The following VPS8 variants were observed in gnomAD, a reference collection of about 807,000 sequenced individuals.
VPS8 encodes the protein VPS8 subunit of CORVET complex, also known as vacuolar protein sorting-associated protein 8 homolog.
Under a neutral mutation model 216.4 loss-of-function variants are expected in VPS8, and 129 were observed. The observed-to-expected ratio is 0.60, with a 90% CI of 0.52 to 0.69. The LOEUF (loss-of-function observed/expected upper bound fraction) is 0.69, where lower values mean the gene tolerates loss of function less well. Among genes scored for constraint, VPS8 ranks in the 30% least tolerant of loss-of-function variants. The pLI, the probability that VPS8 is intolerant of heterozygous loss-of-function variation, is 0.00. For missense variants in VPS8, 1,531 were observed against 1,683.5 expected (o/e 0.91, Z 1.59); for synonymous variants, 571 against 565.4 (o/e 1.01, Z -0.14).
intron 46 of VPS8, among the ~76,000 whole-genome samples, chr3:185,031,376 T>C (rs538551597): frequency 6.6e-6 from 1 of 152,332 alleles, no homozygotes; most frequent in East Asian, 1.9e-4. Flanking sequence ...ATATAGATGC[T>C]TCTTTCTCTA....
chr3:185,029,172 CA>C (rs1757772251), intron 46 of VPS8, among the ~76,000 whole-genome samples: 1 of 152,154 alleles, frequency 6.6e-6, no homozygotes, highest in Non-Finnish European at 1.5e-5. Context: ...TGCTCATGTA[CA>C]TCTATGTATA....
intron 8 of VPS8, among the ~76,000 whole-genome samples, chr3:184,848,134 A>T (rs1299305492): frequency 6.6e-6 from 1 of 151,944 alleles, no homozygotes; most frequent in Non-Finnish European, 1.5e-5. Context: ...CTGGTCTCGA[A>T]CTCCTAACCT....
chr3:184,880,877 C>T (rs1730148734), intron 21 of VPS8, among the ~76,000 whole-genome samples: 1 of 152,132 alleles, frequency 6.6e-6, no homozygotes, highest in Non-Finnish European at 1.5e-5. Context: ...AATGGTATCT[C>T]ATTGTGGCTT....
At chr3:184,912,052 C>T (rs1036125600) in intron 25 of VPS8, among the ~76,000 whole-genome samples, 1 of 152,108 alleles carries the variant, frequency 6.6e-6, no homozygotes, top group Non-Finnish European at 1.5e-5. Context: ...TGTAACCATT[C>T]GTCCTTTTAA....
intron 35 of VPS8, among the ~76,000 whole-genome samples, 158 bp from the exon 36 acceptor site, chr3:184,940,039 G>T (rs562339581): frequency 6.6e-6 from 1 of 152,280 alleles, no homozygotes; most frequent in East Asian, 1.9e-4. Context: ...ATAACCTCCA[G>T]ATGATTCTTT....
At chr3:185,031,949 A>G (rs1758233543) in intron 46 of VPS8, among the ~76,000 whole-genome samples, 1 of 152,186 alleles carries the variant, frequency 6.6e-6, no homozygotes, top group African/African-American at 2.4e-5. Flanking sequence ...AGATCACTTG[A>G]GGTCAGGAGT....
At chr3:185,028,917 G>C (rs1247924323) in intron 46 of VPS8, among the ~76,000 whole-genome samples, 1 of 152,216 alleles carries the variant, frequency 6.6e-6, no homozygotes, top group African/African-American at 2.4e-5. Context: ...ATGCACGAAA[G>C]AGATTTCACA....
At chr3:184,886,671 C>T (rs1213635151) in intron 22 of VPS8, among the ~76,000 whole-genome samples, 1 of 151,976 alleles carries the variant, frequency 6.6e-6, no homozygotes, top group African/African-American at 2.4e-5. Flanking sequence ...CCTCCGCCTC[C>T]CGGGTTCAAG....
At chr3:184,842,362 T>A (rs1722349663) in intron 7 of VPS8, among the ~76,000 whole-genome samples, 1 of 151,604 alleles carries the variant, frequency 6.6e-6, no homozygotes, top group Non-Finnish European at 1.5e-5. Flanking sequence ...CTGGTTTTTT[T>A]TTTTTTTAGA....
Position 185,048,542 on chromosome 3 carries a change from T to A in VPS8, c.4120T>A (p.Tyr1374Asn). ...AGCATTTGATCAGCTTTGCCGTCTC[T>A]ACCGAGGAAGCTCCAGGGTAATGTT... ...IQAFDQLCRL[Y>N]RGSSRLALLT... Residue 1374 changes from tyrosine to asparagine, a missense_variant, in exon 47 of 48, where the codon TAC (tyrosine) becomes AAC (asparagine). This residue lies in a region of VPS8 where 1,318 missense variants were observed against 1,468.4 expected (regional missense o/e 0.90). Transcript: ENST00000625842. The A allele has an allele frequency of 6.2e-7, 1 of 1,614,010 alleles. No individual in the cohort carries two copies. Among genetic ancestry groups the A allele is most frequent in the Non-Finnish European group, 8.5e-7 (1 of 1,179,890 alleles).
At chr3:185,048,019 A>G (rs965448240) in intron 46 of VPS8, among the ~76,000 whole-genome samples, 3 of 152,170 alleles carry the variant, frequency 2.0e-5, no homozygotes, top group African/African-American at 7.2e-5. Context: ...GAATCTTGCA[A>G]CCCCATAGGT....
intron 42 of VPS8, among the ~76,000 whole-genome samples, chr3:184,987,165 G>A (rs1372427931): frequency 6.6e-6 from 1 of 152,112 alleles, no homozygotes; most frequent in African/African-American, 2.4e-5. Context: ...CCAGGCTGGA[G>A]TACATTGGCG....
intron 40 of VPS8, among the ~76,000 whole-genome samples, chr3:184,979,189 T>A (rs1268920461): frequency 1.3e-5 from 2 of 152,208 alleles, no homozygotes; most frequent in African/African-American, 2.4e-5. Context: ...TTCATTTTTT[T>A]AAATTTGTTG....
chr3:184,972,671 C>G (rs924720664), intron 40 of VPS8, among the ~76,000 whole-genome samples: 1 of 152,188 alleles, frequency 6.6e-6, no homozygotes, highest in African/African-American at 2.4e-5. Flanking sequence ...TCACAGATCC[C>G]AGATGGCACA....
Position 184,884,464 on chromosome 3 carries a change from AGTT to A in VPS8, c.1735-1642_1735-1640del, listed in dbSNP as rs1223362894. Among the ~76,000 whole-genome samples, 3 of 152,222 alleles carry A rather than the reference AGTT, an allele frequency of 2.0e-5. 1 individual carries two copies. Among genetic ancestry groups the A allele is most frequent in the South Asian group, 4.1e-4 (2 of 4,820 alleles). ...ACTTTTTATGTGAACCTCTTGGCTCAGTTGTTCTCATACTAAGGAGATAGTATA... is the reference window on the plus strand; with the variant it reads ...ACTTTTTATGTGAACCTCTTGGCTCAGTTCTCATACTAAGGAGATAGTATA... On this transcript the variant is annotated intron_variant, in intron 21 of 47. Coordinates refer to ENST00000625842, the MANE Select transcript of VPS8 (RefSeq NM_001009921.3).
intron 7 of VPS8, 192 bp downstream of exon 7, chr3:184,839,944 G>T: frequency 7.6e-7 from 1 of 1,315,066 alleles, no homozygotes. Context: ...CTTATTGCAA[G>T]TTTATTTTCT....
At chr3:184,850,639 G>T (rs1295788645) in intron 10 of VPS8, among the ~76,000 whole-genome samples, 2 of 152,162 alleles carry the variant, frequency 1.3e-5, no homozygotes, top group Non-Finnish European at 2.9e-5. Context: ...AATACAATGT[G>T]AATGTTGATT....
intron 29 of VPS8, among the ~76,000 whole-genome samples, chr3:184,923,922 T>A (rs1739102404): frequency 6.6e-6 from 1 of 152,244 alleles, no homozygotes; most frequent in African/African-American, 2.4e-5. Context: ...TTTTCCACCG[T>A]GCTTCTGTAA....
chr3:184,968,120 C>T (rs1232045855), intron 39 of VPS8, among the ~76,000 whole-genome samples: 1 of 152,114 alleles, frequency 6.6e-6, no homozygotes, highest in Non-Finnish European at 1.5e-5. Flanking sequence ...ACTCAAGTAT[C>T]TCATATGAAT....
Sources: gnomAD v4.1 joint callset for allele counts (sites outside exome capture counted in the v4.1 genomes callset) on GRCh38, gnomAD v4.1.1 for gene constraint, gnomAD v4.1.1 regional missense constraint, MANE v1.5 for transcripts, NCBI Gene and HGNC (gene_info 2026-07-23, HGNC 2026-07-21) for gene names.